CDH4: variants seen among roughly 807,000 people sequenced by gnomAD.
CDH4 encodes the protein cadherin-4.
In CDH4, 33 loss-of-function variants were observed where a neutral mutation model predicts 86.0. The observed-to-expected ratio is 0.38, with a 90% CI of 0.29 to 0.51. The LOEUF is 0.51. Ranked by LOEUF, CDH4 falls within the 20% of genes least tolerant of loss-of-function variation. CDH4 has a pLI of 0.86. For synonymous variants in CDH4, 555 were observed against 549.4 expected, an observed-to-expected ratio of 1.01 and a Z score of -0.14; for missense variants, 1,114 against 1,307.4, an observed-to-expected ratio of 0.85 and a Z score of 2.28.
At chr20:61,695,419 G>A (rs1459355797) in intron 2 of CDH4, among the ~76,000 whole-genome samples, 2 of 152,190 alleles carry the variant, frequency 1.3e-5, no homozygotes. Context: ...AACTGTCCTG[G>A]AGCTCAGGTT....
chr20:61,377,317 C>T lies in CDH4; in HGVS notation c.169+122380C>T, dbSNP rs1372354030. Among the ~76,000 whole-genome samples the T allele has an allele frequency of 6.6e-6, 1 of 152,140 alleles. No individual in the cohort carries two copies. Among genetic ancestry groups the T allele is most frequent in the Non-Finnish European group, 1.5e-5 (1 of 68,024 alleles). ...GGTGACACAGCCCGGGACTCCTGGG[C>T]CCTGACGAATCCAAAGGGTCCCCAT... is the stretch of plus-strand genomic sequence containing the variant. On this transcript the variant is annotated intron_variant, in intron 2 of 15. Coordinates refer to ENST00000614565, the MANE Select transcript of CDH4 (RefSeq NM_001794.5). This position sits in a 1 kb window ranked among gnomAD's most constrained non-coding sequence, Gnocchi z 4.0.
rs147942645 is a variant in CDH4, at chr20:61,657,842, C to A, written c.170-85721C>A. Among the ~76,000 whole-genome samples, 7 of 152,334 alleles carry A rather than the reference C, an allele frequency of 4.6e-5. No homozygotes were observed. The East Asian group carries it at 1.3e-3, about 29-fold the overall frequency. On this transcript the variant is annotated intron_variant, in intron 2 of 15. Transcript: ENST00000614565. ...ATCCATGTCAGTAAAATAACCTAAT[C>A]CTTTAAAAATACAGTGCTGTGCCCA...
chr20:61,789,786 A>T (rs1020826641), intron 4 of CDH4, among the ~76,000 whole-genome samples: 9 of 152,228 alleles, frequency 5.9e-5, no homozygotes, highest in African/African-American at 9.6e-5. Flanking sequence ...CTGGTGGAGA[A>T]GGGAAAGGAA....
intron 5 of CDH4, among the ~76,000 whole-genome samples, chr20:61,847,121 A>G (rs6061369): frequency 0.53 from 80,812 of 152,082 alleles, 22,048 homozygotes; most frequent in Non-Finnish European, 0.6. Context: ...CCCTCCCTGC[A>G]TCATCCCCAA....
intron 10 of CDH4, 33 bp from the exon 11 acceptor site, chr20:61,924,301 C>A (rs1237528846): frequency 2.5e-5 from 40 of 1,571,368 alleles, no homozygotes; most frequent in Non-Finnish European, 3.2e-5. Flanking sequence ...CCACCCCCAG[C>A]CTTACCTCCC....
rs555177753 is a variant in CDH4 at position 61,317,311 on chromosome 20, C to T, written c.169+62374C>T. On this transcript the variant is annotated intron_variant, in intron 2 of 15. Transcript: ENST00000614565. Reference sequence around the variant, plus strand: ...CTGCAAGCTCCGCCTCCCGGTTTCACGCCATTCTCCTGCCTCAGCCTCCCG... The same window carrying T: ...CTGCAAGCTCCGCCTCCCGGTTTCATGCCATTCTCCTGCCTCAGCCTCCCG... Among the ~76,000 whole-genome samples the T allele has an allele frequency of 1.1e-4, 17 of 152,294 alleles. No homozygotes were observed. In the South Asian group the frequency reaches 1.2e-3, roughly 11 times the overall value.
intron 2 of CDH4, among the ~76,000 whole-genome samples, chr20:61,584,781 G>C (rs904367034): frequency 1.3e-5 from 2 of 152,214 alleles, no homozygotes; most frequent in African/African-American, 4.8e-5. Flanking sequence ...AAGGAAGCAG[G>C]GACCCAGAGC....
chr20:61,619,206 C>T (rs947791691), intron 2 of CDH4, among the ~76,000 whole-genome samples: 6 of 152,152 alleles, frequency 3.9e-5, no homozygotes, highest in East Asian at 1.9e-4. Flanking sequence ...CTGCTGGGTT[C>T]GGTCACCCTG....
chr20:61,462,756 G>A (rs527635989), intron 2 of CDH4, among the ~76,000 whole-genome samples: 3 of 152,238 alleles, frequency 2.0e-5, no homozygotes, highest in South Asian at 2.1e-4. Context: ...AATAGATCTC[G>A]TCTTTGCTGG....
At chr20:61,692,535 G>A (rs750596091) in intron 2 of CDH4, among the ~76,000 whole-genome samples, 5 of 152,324 alleles carry the variant, frequency 3.3e-5, no homozygotes, top group Admixed American at 2.6e-4. Flanking sequence ...CTTAAATCAC[G>A]TGAATTTGCT....
chr20:61,452,698 G>A (rs2145548361), intron 2 of CDH4, among the ~76,000 whole-genome samples: 1 of 152,316 alleles, frequency 6.6e-6, no homozygotes, highest in Non-Finnish European at 1.5e-5. Flanking sequence ...GTGTGATTTG[G>A]TTGATTCTTC....
intron 2 of CDH4, among the ~76,000 whole-genome samples, chr20:61,437,859 C>T (rs1430397865): frequency 1.3e-5 from 2 of 152,172 alleles, no homozygotes; most frequent in Non-Finnish European, 2.9e-5. Flanking sequence ...AAACAGAAGA[C>T]ATTCTGATGA....
chr20:61,643,211 G>A (rs901892597), intron 2 of CDH4, among the ~76,000 whole-genome samples: 3 of 152,204 alleles, frequency 2.0e-5, no homozygotes, highest in East Asian at 1.9e-4. Flanking sequence ...GGGAGGGGGG[G>A]TGTAGAGAGA....
At chr20:61,788,027 A>G (rs938867092) in intron 4 of CDH4, among the ~76,000 whole-genome samples, 1 of 152,130 alleles carries the variant, frequency 6.6e-6, no homozygotes, top group Non-Finnish European at 1.5e-5. Context: ...GCATAAATTG[A>G]TTTACCAAGA....
At position 61,938,869 on chromosome 20, in the gene CDH4, A is replaced by C. The variant is rs1056470024; in HGVS notation, c.*1926A>C. 1 of 152,156 alleles carries C rather than the reference A, an allele frequency of 6.6e-6. No individual in the cohort carries two copies. The highest frequency in any genetic ancestry group is 1.5e-5 in the Non-Finnish European group (1 of 68,068). 9.4% of individuals were successfully genotyped at this position (152,156 alleles called of 1,614,324 possible). On this transcript the variant is annotated 3_prime_UTR_variant, in exon 16 of 16. Transcript: ENST00000614565. Reference sequence around the variant, plus strand: ...AGTTGAGCTGGGGTCTCAGTCTCCAACCTGTCCTTTCTGACCCTCCCATGG... The same window carrying C: ...AGTTGAGCTGGGGTCTCAGTCTCCACCCTGTCCTTTCTGACCCTCCCATGG...
rs186804600 is a variant in CDH4, at chr20:61,759,463, G to A, written c.397-13540G>A. Among the ~76,000 whole-genome samples the A allele has an allele frequency of 4.7e-3, 722 of 152,308 alleles. 6 individuals carry two copies. The highest frequency in any genetic ancestry group is 0.017 in the African/African-American group (698 of 41,572). The stretch of plus-strand genomic sequence containing the variant: ...GGGACTCTTCAGAGGACATGTCACT[G>A]AGGGTCTGGGCGCCAGGGCTCTGGA... On this transcript the variant is annotated intron_variant, in intron 3 of 15. Coordinates refer to ENST00000614565, the MANE Select transcript of CDH4 (RefSeq NM_001794.5).
rs149485653 is a variant in CDH4, at chr20:61,545,961, CGTGTGTGTGTGTGT to C, written c.170-197594_170-197581del. On this transcript the variant is annotated intron_variant, in intron 2 of 15. Coordinates refer to ENST00000614565, the MANE Select transcript of CDH4 (RefSeq NM_001794.5). ...GGGTATGTGGGATACGGTGTGTGTT[CGTGTGTGTGTGTGT>C]GTGTGTGGAGGGGTGTCTGTGCATG... Among the ~76,000 whole-genome samples the C allele has an allele frequency of 1.0e-4, 5 of 48,340 alleles. No individual in the cohort carries two copies. In the East Asian group the frequency reaches 3.2e-3, roughly 31 times the overall value. 31.7% of individuals were successfully genotyped at this position (48,340 alleles called of 152,430 possible).
intron 2 of CDH4, among the ~76,000 whole-genome samples, chr20:61,542,226 G>C (rs1345746756): frequency 2.6e-5 from 4 of 152,184 alleles, no homozygotes; most frequent in African/African-American, 9.7e-5. Flanking sequence ...GATAGAGGCT[G>C]CTTCCGATTT....
rs1293303442 is a variant in CDH4 at position 61,377,916 on chromosome 20, C to T, written c.169+122979C>T. 6.6e-6 allele frequency among the ~76,000 whole-genome samples: 1 copy of T among 152,220 alleles called. No individual in the cohort carries two copies. Among genetic ancestry groups the T allele is most frequent in the East Asian group, 1.9e-4 (1 of 5,190 alleles). On this transcript the variant is annotated intron_variant, in intron 2 of 15. Coordinates refer to ENST00000614565, the MANE Select transcript of CDH4 (RefSeq NM_001794.5). This position sits in a 1 kb window ranked among gnomAD's most constrained non-coding sequence, Gnocchi z 4.0. Reference sequence around the variant, plus strand: ...ATCCCTTCATGTGCCGTGATGTTGACTCACGTGATCTGGATAAATGACTTA... The same window carrying T: ...ATCCCTTCATGTGCCGTGATGTTGATTCACGTGATCTGGATAAATGACTTA...
Sources: gnomAD v4.1 joint callset for allele counts (sites outside exome capture counted in the v4.1 genomes callset) on GRCh38, gnomAD v4.1.1 for gene constraint, Gnocchi (gnomAD v3.1) non-coding constraint, MANE v1.5 for transcripts, NCBI Gene and HGNC (gene_info 2026-07-23, HGNC 2026-07-21) for gene names.